Variants in WDR27 observed in about 807,000 individuals in gnomAD.
WDR27 encodes WD repeat-containing protein 27.
Under a neutral mutation model 114.4 loss-of-function variants are expected in WDR27, and 100 were observed. The observed-to-expected ratio is 0.87, with a 90% CI of 0.74 to 1.03. WDR27 has a LOEUF of 1.03. Among genes scored for constraint, WDR27 ranks in the 50% least tolerant of loss-of-function variants. The pLI is 0.00. For synonymous variants in WDR27, 449 were observed against 423.1 expected (o/e 1.06, Z -0.75); for missense variants, 1,129 against 1,092.9 (o/e 1.03, Z -0.47).
chr6:169,464,619 A>T (rs1404584363), intron 25 of WDR27, among the ~76,000 whole-genome samples: 2 of 152,236 alleles, frequency 1.3e-5, no homozygotes, highest in African/African-American at 2.4e-5. Flanking sequence ...TTTGCAAATC[A>T]TCTACCTGAC....
intron 25 of WDR27, among the ~76,000 whole-genome samples, chr6:169,531,015 C>G (rs900351959): frequency 2.0e-5 from 3 of 152,176 alleles, no homozygotes; most frequent in Non-Finnish European, 2.9e-5. Context: ...GCCACAGCAC[C>G]TAGCACTGCC....
chr6:169,550,072 C>G (rs1331594876), intron 25 of WDR27, among the ~76,000 whole-genome samples: 1 of 151,958 alleles, frequency 6.6e-6, no homozygotes. Context: ...ACAATGGTAA[C>G]AGTAACAAAC....
At position 169,612,631 on chromosome 6, in the gene WDR27, T is replaced by TAAAAA. The variant is rs59134868; in HGVS notation, c.2321+923_2321+927dup. Among the ~76,000 whole-genome samples the TAAAAA allele has an allele frequency of 3.4e-3, 329 of 96,854 alleles. 12 individuals carry two copies. The highest frequency in any genetic ancestry group is 9.9e-3 in the African/African-American group (239 of 24,120). The allele number at this position is 96,854 out of a possible 152,430, so 63.5% of individuals were successfully genotyped here. Reference sequence around the variant, plus strand: ...TGACAGAGCGAGACTCTGTCTAACATAAAAAAAAAAAAAAAAAAAAAAGCA... The same window carrying TAAAAA: ...TGACAGAGCGAGACTCTGTCTAACATAAAAAAAAAAAAAAAAAAAAAAAAAAAGCA... On this transcript the variant is annotated intron_variant, in intron 22 of 25. Transcript: ENST00000448612.
the WDR27 span, among the ~76,000 whole-genome samples, chr6:169,448,390 C>CTGTGTG: frequency 1.2e-5 from 1 of 80,278 alleles, no homozygotes; most frequent in African/African-American, 5.2e-5. Flanking sequence ...GTCTCTGTCT[C>CTGTGTG]TATGTGTGTG....
intron 25 of WDR27, among the ~76,000 whole-genome samples, chr6:169,540,519 T>A (rs1796709731): frequency 6.6e-6 from 1 of 151,600 alleles, no homozygotes; most frequent in African/African-American, 2.4e-5. Context: ...AAACTCTGCC[T>A]CCCGAGTTCA....
downstream of WDR27, among the ~76,000 whole-genome samples, chr6:169,454,872 C>T (rs1461763752): frequency 1.3e-5 from 2 of 152,224 alleles, no homozygotes; most frequent in Non-Finnish European, 2.9e-5. Context: ...TGCAGGTGGA[C>T]AGCACTTGTC....
At chr6:169,538,703 T>TAC (rs10644528) in intron 25 of WDR27, among the ~76,000 whole-genome samples, 14,558 of 143,810 alleles carry the variant, frequency 0.1, 876 homozygotes, top group African/African-American at 0.18. Context: ...CATACTGGAA[T>TAC]ACACACACAC....
At chr6:169,503,600 A>T (rs74833164) in intron 25 of WDR27, among the ~76,000 whole-genome samples, 3 of 152,252 alleles carry the variant, frequency 2.0e-5, no homozygotes, top group Non-Finnish European at 4.4e-5. Context: ...AGAAGATGAG[A>T]GAGTTTGACA....
intron 7 of WDR27, chr6:169,664,760 A>C: frequency 1.0e-6 from 1 of 995,422 alleles, no homozygotes; most frequent in South Asian, 4.4e-5. Context: ...AATGAACTTA[A>C]AAGGCTCACC....
intron 2 of WDR27, among the ~76,000 whole-genome samples, chr6:169,687,656 C>T (rs1783358283): frequency 6.6e-6 from 1 of 152,174 alleles, no homozygotes; most frequent in Non-Finnish European, 1.5e-5. Flanking sequence ...TTAGCATTAT[C>T]TACTGAATAT....
At chr6:169,648,523 T>TCA (rs1443141932) in intron 15 of WDR27, among the ~76,000 whole-genome samples, 14 of 152,356 alleles carry the variant, frequency 9.2e-5, no homozygotes, top group African/African-American at 3.4e-4. Context: ...GTGCGTAATA[T>TCA]CAGGCAGAAC....
intron 25 of WDR27, among the ~76,000 whole-genome samples, chr6:169,517,993 AAT>A (rs1583923165): frequency 1.3e-5 from 2 of 152,200 alleles, no homozygotes; most frequent in East Asian, 3.8e-4. Context: ...GCAGTCATTA[AAT>A]CTTAAAGTTC....
chr6:169,437,068 T>C, the WDR27 span, among the ~76,000 whole-genome samples: 2 of 152,124 alleles, frequency 1.3e-5, no homozygotes, highest in Admixed American at 6.5e-5. Context: ...TTGTGTGGTC[T>C]CAAAGATAGG....
At chr6:169,633,474 C>G (rs9478080) in intron 20 of WDR27, among the ~76,000 whole-genome samples, 16,830 of 152,270 alleles carry the variant, frequency 0.11, 1,088 homozygotes, top group African/African-American at 0.16. Flanking sequence ...GAATGGGTGA[C>G]AGCACCTGGG....
intron 25 of WDR27, among the ~76,000 whole-genome samples, chr6:169,504,170 T>G (rs1024966855): frequency 6.6e-6 from 1 of 152,240 alleles, no homozygotes; most frequent in South Asian, 2.1e-4. Context: ...AACTGTTCAC[T>G]ACAAACTGTT....
At chr6:169,613,322 G>T (rs149766786) in intron 22 of WDR27, among the ~76,000 whole-genome samples, 1 of 152,094 alleles carries the variant, frequency 6.6e-6, no homozygotes, top group East Asian at 1.9e-4. Context: ...CCTCAACATC[G>T]CTGACCCACA....
the WDR27 span, among the ~76,000 whole-genome samples, chr6:169,441,180 C>G: frequency 6.6e-6 from 1 of 152,048 alleles, no homozygotes; most frequent in African/African-American, 2.4e-5. Flanking sequence ...TTGTTTCATT[C>G]TGTTTTTCTT....
chr6:169,640,347 T>C (rs1168612005), intron 17 of WDR27, among the ~76,000 whole-genome samples: 1 of 152,132 alleles, frequency 6.6e-6, no homozygotes, highest in African/African-American at 2.4e-5. Flanking sequence ...AGGAAAGATA[T>C]AAGAATATGA....
intron 24 of WDR27, among the ~76,000 whole-genome samples, chr6:169,576,492 C>T (rs1802355549): frequency 6.6e-6 from 1 of 152,306 alleles, no homozygotes; most frequent in African/African-American, 2.4e-5. Flanking sequence ...GGCATGGTGG[C>T]ATATAGACCT....
Sources: allele counts gnomAD v4.1 joint callset (sites outside exome capture counted in the v4.1 genomes callset), GRCh38; gene constraint gnomAD v4.1.1; transcripts MANE v1.5; gene names NCBI Gene and HGNC (gene_info 2026-07-23, HGNC 2026-07-21).